The following NFX1 variants were observed in gnomAD, a reference collection of about 807,000 sequenced individuals.
NFX1 encodes the protein transcriptional repressor NF-X1.
Under a neutral mutation model 137.2 loss-of-function variants are expected in NFX1, and 69 were observed. That is an observed-to-expected ratio of 0.50 (90% CI 0.41 to 0.61). The LOEUF is 0.61. Among genes scored for constraint, NFX1 ranks in the 20% least tolerant of loss-of-function variants. NFX1 has a pLI of 0.00. For missense variants in NFX1, 1,167 were observed against 1,391.0 expected (o/e 0.84, Z 2.56); for synonymous variants, 495 against 474.1 (o/e 1.04, Z -0.57).
At chr9:33,296,815 T>C (rs547876437) in intron 2 of NFX1, among the ~76,000 whole-genome samples, 1 of 152,378 alleles carries the variant, frequency 6.6e-6, no homozygotes, top group South Asian at 2.1e-4. Context: ...CTCACGCTTA[T>C]GTCTTTCTCT....
chr9:33,307,741 G>A (rs1364610628), intron 5 of NFX1, among the ~76,000 whole-genome samples: 2 of 151,744 alleles, frequency 1.3e-5, no homozygotes, highest in African/African-American at 2.4e-5. Flanking sequence ...TAGGGTCCCG[G>A]TCGGACAGTA....
intron 5 of NFX1, among the ~76,000 whole-genome samples, chr9:33,309,294 T>C (rs1253128806): frequency 1.3e-5 from 2 of 151,078 alleles, no homozygotes; most frequent in African/African-American, 4.9e-5. Context: ...GAGGCGGAGG[T>C]TGCAGTGAGC....
At chr9:33,303,068 T>C in intron 3 of NFX1, 123 bp from the exon 4 acceptor site, 1 of 701,394 alleles carries the variant, frequency 1.4e-6, no homozygotes, top group Middle Eastern at 2.6e-4. Context: ...ATGTCTGATA[T>C]GCTTAACATT....
intron 16 of NFX1, 83 bp from the exon 17 acceptor site, chr9:33,352,563 T>A (rs1186859813): frequency 8.3e-7 from 1 of 1,206,376 alleles, no homozygotes; most frequent in East Asian, 2.3e-5. Flanking sequence ...TGCTATGGTT[T>A]AAGAGAGGAT....
chr9:33,352,318 T>A (rs928620401), intron 16 of NFX1: 2 of 460,388 alleles, frequency 4.3e-6, no homozygotes, highest in South Asian at 3.5e-5. Context: ...GGATGTGGAG[T>A]TGGCTTGGAG....
At chr9:33,366,879 T>C in intron 22 of NFX1, 105 bp downstream of exon 22, 1 of 1,362,954 alleles carries the variant, frequency 7.3e-7, no homozygotes, top group African/African-American at 1.5e-5. Flanking sequence ...CTCTCCCTCT[T>C]GGAAAAGTAG....
At chr9:33,332,084 T>C (rs1822827647) in intron 10 of NFX1, among the ~76,000 whole-genome samples, 1 of 152,254 alleles carries the variant, frequency 6.6e-6, no homozygotes, top group Non-Finnish European at 1.5e-5. Context: ...GTCATCTGTT[T>C]TCAATTCTTA....
chr9:33,335,980 A>G (rs1226219569), intron 11 of NFX1, among the ~76,000 whole-genome samples: 1 of 152,212 alleles, frequency 6.6e-6, no homozygotes, highest in Non-Finnish European at 1.5e-5. Context: ...TATTGTGAAT[A>G]GTGCTGTTAT....
intron 16 of NFX1, chr9:33,352,409 A>G (rs1463502414): frequency 3.2e-6 from 2 of 625,648 alleles, no homozygotes; most frequent in Non-Finnish European, 6.0e-6. Flanking sequence ...CCCTTCAGCC[A>G]GGATTAAGAA....
intron 23 of NFX1, 74 bp downstream of exon 23, chr9:33,367,693 C>T: frequency 7.0e-7 from 1 of 1,428,586 alleles, no homozygotes; most frequent in East Asian, 2.3e-5. Flanking sequence ...TTGTCCTGAG[C>T]TGCACCAGCC....
intron 1 of NFX1, 75 bp downstream of exon 1, chr9:33,290,672 C>A: frequency 7.0e-7 from 1 of 1,438,612 alleles, no homozygotes; most frequent in South Asian, 1.2e-5. Flanking sequence ...GTTCTAGGGC[C>A]TCAGCCACTC....
intron 4 of NFX1, among the ~76,000 whole-genome samples, chr9:33,303,849 C>G (rs1470237520): frequency 6.6e-6 from 1 of 152,098 alleles, no homozygotes; most frequent in Non-Finnish European, 1.5e-5. Context: ...CCTTTCCTGC[C>G]TTTTAATGAC....
intron 7 of NFX1, among the ~76,000 whole-genome samples, chr9:33,314,413 A>G (rs1822079404): frequency 1.3e-5 from 2 of 151,714 alleles, no homozygotes; most frequent in Admixed American, 6.6e-5. Context: ...ATAGTGGCTC[A>G]TGCCTGTAAT....
chr9:33,364,878 G>A, intron 21 of NFX1, 104 bp downstream of exon 21: 1 of 1,528,378 alleles, frequency 6.5e-7, no homozygotes. Context: ...GTAGTTGTAG[G>A]AAAAAGTCAC....
intron 1 of NFX1, among the ~76,000 whole-genome samples, chr9:33,292,089 T>G (rs1372844142): frequency 6.6e-6 from 1 of 152,230 alleles, no homozygotes; most frequent in Non-Finnish European, 1.5e-5. Flanking sequence ...CTGACTCATT[T>G]CTGTACCCTT....
chr9:33,351,072 A>G (rs1322691287), intron 15 of NFX1, among the ~76,000 whole-genome samples: 1 of 152,202 alleles, frequency 6.6e-6, no homozygotes, highest in Non-Finnish European at 1.5e-5. Flanking sequence ...TGAACCCTGG[A>G]GGTGGAGGTT....
intron 12 of NFX1, 28 bp from the exon 13 acceptor site, chr9:33,342,718 A>G (rs761965322): frequency 2.0e-6 from 3 of 1,487,008 alleles, no homozygotes; most frequent in Non-Finnish European, 1.8e-6. Context: ...AGACCATTTT[A>G]TGAACAAATA....
intron 19 of NFX1, among the ~76,000 whole-genome samples, chr9:33,359,960 A>G (rs1823936974): frequency 6.6e-6 from 1 of 152,204 alleles, no homozygotes; most frequent in Admixed American, 6.5e-5. Context: ...GTACCTCTTT[A>G]CATATTAAGT....
At chr9:33,314,241 T>TC (rs950025126) in intron 7 of NFX1, among the ~76,000 whole-genome samples, 11 of 152,060 alleles carry the variant, frequency 7.2e-5, no homozygotes, top group African/African-American at 2.7e-4. Context: ...TGCCTGGGCC[T>TC]CCCAAAGTGC....
Sources: allele counts gnomAD v4.1 joint callset (sites outside exome capture counted in the v4.1 genomes callset), GRCh38; gene constraint gnomAD v4.1.1; transcripts MANE v1.5; gene names NCBI Gene and HGNC (gene_info 2026-07-23, HGNC 2026-07-21).